CDH8: variants seen among roughly 807,000 people sequenced by gnomAD.
CDH8 encodes cadherin 8.
A neutral mutation model predicts 68.1 loss-of-function variants in CDH8; 17 were observed. That is an observed-to-expected ratio of 0.25 (90% CI 0.17 to 0.37). The LOEUF is 0.37. Among genes scored for constraint, CDH8 ranks in the 10% least tolerant of loss-of-function variants. The pLI is 1.00. For missense variants in CDH8, 763 were observed against 999.3 expected, an observed-to-expected ratio of 0.76 and a Z score of 3.19; for synonymous variants, 372 against 365.1, an observed-to-expected ratio of 1.02 and a Z score of -0.21.
chr16:61,942,869 C>A lies in CDH8; in HGVS notation c.253-41396G>T, dbSNP rs540809263. Among the ~76,000 whole-genome samples the A allele has an allele frequency of 3.2e-3, 484 of 152,184 alleles. 3 individuals carry two copies. The highest frequency in any genetic ancestry group is 0.011 in the African/African-American group (462 of 41,538). ...TGAGGCTCACTTGAGCCCAGGAATT[C>A]AACACCAGCCTGGACAACACGGCAA... is the stretch of plus-strand genomic sequence containing the variant. On this transcript the variant is annotated intron_variant, in intron 2 of 11. Transcript: ENST00000577390.
chr16:61,670,135 T>C (rs976471726), intron 10 of CDH8, among the ~76,000 whole-genome samples: 1 of 152,090 alleles, frequency 6.6e-6, no homozygotes, highest in African/African-American at 2.4e-5. Flanking sequence ...TCTATGATTT[T>C]GTACATATCT....
intron 8 of CDH8, among the ~76,000 whole-genome samples, chr16:61,744,209 G>C (rs1281055027): frequency 6.6e-6 from 1 of 152,030 alleles, no homozygotes; most frequent in African/African-American, 2.4e-5. Context: ...CGGTCTACTT[G>C]TTCTAATTGT....
chr16:61,852,969 G>A (rs554536786), intron 4 of CDH8, among the ~76,000 whole-genome samples: 30 of 148,416 alleles, frequency 2.0e-4, no homozygotes, highest in Admixed American at 3.4e-4. Flanking sequence ...GGACTTCTAG[G>A]TGCCAGACAT....
intron 3 of CDH8, among the ~76,000 whole-genome samples, chr16:61,862,380 A>G (rs985960872): frequency 1.3e-5 from 2 of 152,152 alleles, no homozygotes; most frequent in Non-Finnish European, 2.9e-5. Flanking sequence ...TGGCATTTTG[A>G]ATGAATGCCA....
intron 4 of CDH8, among the ~76,000 whole-genome samples, chr16:61,832,070 T>C (rs1962466948): frequency 6.6e-6 from 1 of 151,748 alleles, no homozygotes; most frequent in African/African-American, 2.4e-5. Context: ...TTATACTACA[T>C]GCTACCAGTT....
chr16:61,734,496 A>G (rs1424750277), intron 8 of CDH8, among the ~76,000 whole-genome samples: 3 of 152,086 alleles, frequency 2.0e-5, no homozygotes, highest in Non-Finnish European at 4.4e-5. Context: ...ACTTCTGTCC[A>G]TACTGGCCAT....
At position 61,738,395 on chromosome 16, in the gene CDH8, C is replaced by T. The variant is rs147217437; in HGVS notation, c.1415-11180G>A. On this transcript the variant is annotated intron_variant, in intron 8 of 11. Coordinates refer to ENST00000577390, the MANE Select transcript of CDH8 (RefSeq NM_001796.5). ...AAGTTCTTCACTCCACCTTTTCCTA[C>T]GTATCTACAATGAACCCTCAGAATC... is the stretch of plus-strand genomic sequence containing the variant. Among the ~76,000 whole-genome samples the T allele has an allele frequency of 1.0e-3, 156 of 152,212 alleles. No individual in the cohort carries two copies. In the East Asian group the frequency reaches 0.02, roughly 19 times the overall value.
chr16:61,830,801 G>GATAA (rs1193305680), intron 4 of CDH8, among the ~76,000 whole-genome samples: 1 of 151,758 alleles, frequency 6.6e-6, no homozygotes, highest in Non-Finnish European at 1.5e-5. Context: ...GTGAATATTT[G>GATAA]ATAAATAACC....
At chr16:61,828,972 G>A (rs961338582) in intron 4 of CDH8, among the ~76,000 whole-genome samples, 4 of 151,782 alleles carry the variant, frequency 2.6e-5, no homozygotes, top group East Asian at 3.9e-4. Context: ...TGTTGATGGT[G>A]GCTAGAGTAC....
chr16:61,778,915 G>GAA (rs749771181), intron 8 of CDH8, among the ~76,000 whole-genome samples: 1 of 152,006 alleles, frequency 6.6e-6, no homozygotes, highest in Non-Finnish European at 1.5e-5. Context: ...CCCATGCTAG[G>GAA]AAAAAACAAT....
chr16:61,954,540 A>G (rs993175603), intron 2 of CDH8, among the ~76,000 whole-genome samples: 1 of 150,632 alleles, frequency 6.6e-6, no homozygotes, highest in African/African-American at 2.5e-5. Flanking sequence ...TCTCTACTAA[A>G]AATACAAAAA....
At chr16:61,658,977 C>T (rs986061777) in intron 10 of CDH8, among the ~76,000 whole-genome samples, 1 of 152,016 alleles carries the variant, frequency 6.6e-6, no homozygotes, top group Admixed American at 6.6e-5. Flanking sequence ...GATAGTAAAC[C>T]TGTTTAAAAT....
chr16:61,905,257 C>T (rs930348025), intron 2 of CDH8, among the ~76,000 whole-genome samples: 101 of 152,258 alleles, frequency 6.6e-4, no homozygotes, highest in African/African-American at 2.4e-3. Context: ...AGATCTCATC[C>T]ATTCATTCGA....
chr16:61,659,024 G>C lies in CDH8; in HGVS notation c.1655-3303C>G, dbSNP rs544393378. 1.2e-4 allele frequency among the ~76,000 whole-genome samples: 19 copies of C among 152,158 alleles called. No homozygotes were observed. The South Asian group carries it at 3.7e-3, about 30-fold the overall frequency. Reference sequence around the variant, plus strand: ...TTTAAAAATATATTTTCAACTCACTGCTGCTGGTATATAAAATTTAATTGT... The same window carrying C: ...TTTAAAAATATATTTTCAACTCACTCCTGCTGGTATATAAAATTTAATTGT... On this transcript the variant is annotated intron_variant, in intron 10 of 11. Transcript: ENST00000577390.
intron 2 of CDH8, among the ~76,000 whole-genome samples, chr16:61,922,509 CCTG>C (rs1290646793): frequency 2.0e-5 from 3 of 152,024 alleles, no homozygotes; most frequent in East Asian, 3.9e-4. Flanking sequence ...CATTTTGCAT[CCTG>C]CTTTTTTCAC....
At chr16:61,947,708 C>A (rs1964822356) in intron 2 of CDH8, among the ~76,000 whole-genome samples, 1 of 152,036 alleles carries the variant, frequency 6.6e-6, no homozygotes, top group African/African-American at 2.4e-5. Flanking sequence ...CTTTAAAAAG[C>A]TTCATTCATT....
chr16:62,026,203 C>A (rs1280536991), intron 1 of CDH8, among the ~76,000 whole-genome samples: 2 of 152,168 alleles, frequency 1.3e-5, no homozygotes, highest in African/African-American at 4.8e-5. Flanking sequence ...AAAATTTAAC[C>A]ATCAGCTCTG....
At chr16:61,749,069 G>T (rs1960094044) in intron 8 of CDH8, among the ~76,000 whole-genome samples, 1 of 152,032 alleles carries the variant, frequency 6.6e-6, no homozygotes, top group African/African-American at 2.4e-5. Flanking sequence ...TTGAGGTAAG[G>T]CAGAGTAGCA....
intron 3 of CDH8, among the ~76,000 whole-genome samples, chr16:61,887,459 G>A (rs992922447): frequency 1.3e-5 from 2 of 152,166 alleles, no homozygotes; most frequent in Non-Finnish European, 2.9e-5. Context: ...GATGCTGGCA[G>A]ACTTAACTTC....
Sources: allele counts gnomAD v4.1 joint callset (sites outside exome capture counted in the v4.1 genomes callset), GRCh38; gene constraint gnomAD v4.1.1; transcripts MANE v1.5; gene names NCBI Gene and HGNC (gene_info 2026-07-23, HGNC 2026-07-21).